GPC5: variants seen among roughly 807,000 people sequenced by gnomAD.
GPC5 encodes the protein glypican-5.
A neutral mutation model predicts 53.9 loss-of-function variants in GPC5; 47 were observed. That is an observed-to-expected ratio of 0.87 (90% CI 0.69 to 1.11). The LOEUF is 1.11. Among genes scored for constraint, GPC5 ranks in the 50% most tolerant of loss-of-function variants. GPC5 has a pLI of 0.00. For missense variants in GPC5, 748 were observed against 713.1 expected (o/e 1.05, Z -0.56); for synonymous variants, 286 against 263.3 (o/e 1.09, Z -0.84).
intron 5 of GPC5, among the ~76,000 whole-genome samples, chr13:91,845,654 A>C (rs2138880324): frequency 6.6e-6 from 1 of 152,274 alleles, no homozygotes; most frequent in African/African-American, 2.4e-5. Context: ...CTCTGTTCCA[A>C]CTGCAAGAGT....
chr13:91,840,465 G>A (rs1228243135), intron 5 of GPC5, among the ~76,000 whole-genome samples: 2 of 151,938 alleles, frequency 1.3e-5, no homozygotes, highest in East Asian at 1.9e-4. Context: ...CTGTATTAAC[G>A]GTTTGAGGAT....
chr13:92,335,715 C>T (rs1450830265), intron 7 of GPC5, among the ~76,000 whole-genome samples: 1 of 152,158 alleles, frequency 6.6e-6, no homozygotes, highest in Non-Finnish European at 1.5e-5. Context: ...ATCTCTAGGG[C>T]AGGGTTAAAA....
At chr13:91,806,606 A>G (rs2038226749) in intron 5 of GPC5, among the ~76,000 whole-genome samples, 1 of 152,178 alleles carries the variant, frequency 6.6e-6, no homozygotes, top group Non-Finnish European at 1.5e-5. Context: ...GTACTGTGTT[A>G]GCACAATTTA....
At chr13:91,856,183 A>T (rs1458353385) in intron 5 of GPC5, among the ~76,000 whole-genome samples, 1 of 151,582 alleles carries the variant, frequency 6.6e-6, no homozygotes, top group Non-Finnish European at 1.5e-5. Context: ...GCTAAGTAGT[A>T]TTCCATTGTG....
chr13:91,704,797 C>T (rs1301505203), intron 3 of GPC5, among the ~76,000 whole-genome samples: 1 of 152,212 alleles, frequency 6.6e-6, no homozygotes, highest in Non-Finnish European at 1.5e-5. Context: ...GCTACCCTAA[C>T]CCCTTCCTAA....
At chr13:92,456,957 A>G (rs569071360) in intron 7 of GPC5, among the ~76,000 whole-genome samples, 2 of 152,142 alleles carry the variant, frequency 1.3e-5, no homozygotes, top group African/African-American at 4.8e-5. Flanking sequence ...CCAGGTACTA[A>G]GAATAGTACC....
chr13:92,777,022 CAAAAAAAAAAAA>C (rs1243297680), intron 7 of GPC5, among the ~76,000 whole-genome samples: 2 of 26,670 alleles, frequency 7.5e-5, no homozygotes, highest in Admixed American at 5.6e-4. Context: ...GACCCTGCCT[CAAAAAAAAAAAA>C]AAAAAAAAAA....
chr13:91,599,985 G>A (rs1057253017), intron 2 of GPC5, among the ~76,000 whole-genome samples: 3 of 152,230 alleles, frequency 2.0e-5, no homozygotes, highest in Admixed American at 6.5e-5. Flanking sequence ...GCAGTGGTGC[G>A]ATCTTGGCTC....
intron 7 of GPC5, among the ~76,000 whole-genome samples, chr13:92,714,035 C>G (rs572366647): frequency 6.6e-6 from 1 of 152,276 alleles, no homozygotes; most frequent in African/African-American, 2.4e-5. Flanking sequence ...TTTTCATCTG[C>G]ACATTTCTTG....
intron 7 of GPC5, among the ~76,000 whole-genome samples, chr13:92,324,752 A>T (rs2043239081): frequency 6.6e-6 from 1 of 151,760 alleles, no homozygotes; most frequent in Admixed American, 6.6e-5. Context: ...ACTTATTATT[A>T]TGTTAGTGAC....
Position 92,129,527 on chromosome 13 carries a change from GCACAGCTC to G in GPC5, c.1402-15297_1402-15290del, listed in dbSNP as rs550194275. On this transcript the variant is annotated intron_variant, in intron 6 of 7. Coordinates refer to ENST00000377067, the MANE Select transcript of GPC5 (RefSeq NM_004466.6). ...TCAACAAAACACATGTGCACAATAA[GCACAGCTC>G]CACAGATTCACAGTTCAGAATTAAG... 2.0e-4 allele frequency among the ~76,000 whole-genome samples: 30 copies of G among 152,244 alleles called. No homozygotes were observed. In the East Asian group the frequency reaches 5.6e-3, roughly 28 times the overall value.
intron 6 of GPC5, among the ~76,000 whole-genome samples, chr13:92,030,196 G>C (rs547529532): frequency 6.6e-6 from 1 of 152,268 alleles, no homozygotes; most frequent in African/African-American, 2.4e-5. Context: ...GAAAAAAATA[G>C]TTTCATAACT....
At chr13:91,924,300 C>T (rs1034040777) in intron 6 of GPC5, among the ~76,000 whole-genome samples, 1 of 152,142 alleles carries the variant, frequency 6.6e-6, no homozygotes, top group African/African-American at 2.4e-5. Flanking sequence ...TTTATATCAT[C>T]CAAAAGCACA....
At chr13:92,641,581 T>C (rs1025061719) in intron 7 of GPC5, among the ~76,000 whole-genome samples, 7 of 152,236 alleles carry the variant, frequency 4.6e-5, no homozygotes, top group Non-Finnish European at 1.0e-4. Context: ...TGAGGATATT[T>C]AATTCAGTCT....
chr13:92,279,825 G>A (rs7331818), intron 7 of GPC5, among the ~76,000 whole-genome samples: 2,066 of 152,034 alleles, frequency 0.014, 50 homozygotes, highest in African/African-American at 0.047. Context: ...CAAGTATTTT[G>A]TTGAGCATTT....
At chr13:91,544,387 G>A (rs1308526684) in intron 2 of GPC5, among the ~76,000 whole-genome samples, 1 of 152,108 alleles carries the variant, frequency 6.6e-6, no homozygotes, top group Non-Finnish European at 1.5e-5. Context: ...ATTGTATAGT[G>A]GTTAGAGATT....
chr13:92,274,213 C>T (rs2042859643), intron 7 of GPC5, among the ~76,000 whole-genome samples: 1 of 152,122 alleles, frequency 6.6e-6, no homozygotes, highest in African/African-American at 2.4e-5. Context: ...ATACGGATTA[C>T]ATGGCTATTC....
chr13:92,563,380 A>T (rs1158123235), intron 7 of GPC5, among the ~76,000 whole-genome samples: 1 of 152,018 alleles, frequency 6.6e-6, no homozygotes. Flanking sequence ...TAAACATAAA[A>T]AGAGATCCAA....
At chr13:92,789,829 T>G (rs981544845) in intron 7 of GPC5, among the ~76,000 whole-genome samples, 1 of 152,062 alleles carries the variant, frequency 6.6e-6, no homozygotes, top group Admixed American at 6.5e-5. Context: ...CAAGGTGAAG[T>G]CCCACAATAG....
Sources: gnomAD v4.1 joint callset for allele counts (sites outside exome capture counted in the v4.1 genomes callset) on GRCh38, gnomAD v4.1.1 for gene constraint, MANE v1.5 for transcripts, NCBI Gene and HGNC (gene_info 2026-07-23, HGNC 2026-07-21) for gene names.